Variants in KCNQ3 observed in about 807,000 individuals in gnomAD.
The protein encoded by KCNQ3 is potassium voltage-gated channel subfamily KQT member 3.
In KCNQ3, 30 loss-of-function variants were observed where a neutral mutation model predicts 92.5. The observed-to-expected ratio is 0.32, with a 90% confidence interval of 0.24 to 0.44. KCNQ3 has a LOEUF of 0.44. KCNQ3 is among the 20% of genes least tolerant of loss of function. KCNQ3 has a pLI of 1.00. For synonymous variants in KCNQ3, 450 were observed against 468.8 expected (o/e 0.96, Z 0.52); for missense variants, 913 against 1,140.3 (o/e 0.80, Z 2.87).
intron 1 of KCNQ3, among the ~76,000 whole-genome samples, chr8:132,307,861 T>C (rs931092382): frequency 6.6e-6 from 1 of 152,214 alleles, no homozygotes; most frequent in African/African-American, 2.4e-5. Flanking sequence ...AGAAAGGTTA[T>C]ATGAGTCGGG....
At chr8:132,358,096 G>T (rs1819065686) in intron 1 of KCNQ3, among the ~76,000 whole-genome samples, 1 of 152,202 alleles carries the variant, frequency 6.6e-6, no homozygotes, top group Admixed American at 6.5e-5. Flanking sequence ...GCTTCTTTAA[G>T]GTCAGGGATA....
chr8:132,134,212 C>G, intron 13 of KCNQ3, 78 bp downstream of exon 13: 1 of 1,048,866 alleles, frequency 9.5e-7, no homozygotes, highest in Admixed American at 1.7e-5. Context: ...CATAAAGGAC[C>G]CCAGCAGAGG....
intron 1 of KCNQ3, among the ~76,000 whole-genome samples, chr8:132,459,702 A>G (rs1822019405): frequency 6.6e-6 from 1 of 151,398 alleles, no homozygotes; most frequent in South Asian, 2.1e-4. Flanking sequence ...GTCGTGTTTT[A>G]CAGGTTCCTC....
chr8:132,417,380 G>A (rs55659230), intron 1 of KCNQ3, among the ~76,000 whole-genome samples: 30,669 of 152,018 alleles, frequency 0.2, 3,859 homozygotes, highest in Non-Finnish European at 0.27. Context: ...TCCTGACTCT[G>A]ACCCACCCAT....
At chr8:132,460,697 A>G (rs1174457961) in intron 1 of KCNQ3, among the ~76,000 whole-genome samples, 7 of 152,196 alleles carry the variant, frequency 4.6e-5, no homozygotes, top group Non-Finnish European at 7.3e-5. Context: ...TCTTGTCACC[A>G]TCTGCATCCC....
chr8:132,467,391 G>A (rs1422230611), intron 1 of KCNQ3, among the ~76,000 whole-genome samples: 1 of 152,146 alleles, frequency 6.6e-6, no homozygotes, highest in Non-Finnish European at 1.5e-5. Context: ...ACCACACAGT[G>A]GATACAAACA....
chr8:132,373,863 A>T (rs1467800574), intron 1 of KCNQ3, among the ~76,000 whole-genome samples: 1 of 152,088 alleles, frequency 6.6e-6, no homozygotes, highest in African/African-American at 2.4e-5. Flanking sequence ...TCACTCCTGC[A>T]CACTTTTTCC....
At chr8:132,163,549 TC>T in intron 8 of KCNQ3, 55 bp from the exon 9 acceptor site, 1 of 1,403,160 alleles carries the variant, frequency 7.1e-7, no homozygotes, top group Non-Finnish European at 1.0e-6. Context: ...AACAGCTGTA[TC>T]CTTCCTCGAA....
At chr8:132,184,503 GA>G in intron 2 of KCNQ3, 136 bp from the exon 3 acceptor site, 1 of 605,174 alleles carries the variant, frequency 1.7e-6, no homozygotes, top group Non-Finnish European at 2.9e-6. Flanking sequence ...GATGGCTGGG[GA>G]TGGGGGTGGG....
chr8:132,134,845 C>T (rs185762989), intron 12 of KCNQ3, among the ~76,000 whole-genome samples: 1 of 151,880 alleles, frequency 6.6e-6, no homozygotes, highest in East Asian at 1.9e-4. Context: ...AGTTAGGGAG[C>T]TTTACAGACA....
chr8:132,323,538 T>C (rs944654144), intron 1 of KCNQ3, among the ~76,000 whole-genome samples: 2 of 152,214 alleles, frequency 1.3e-5, no homozygotes, highest in African/African-American at 2.4e-5. Context: ...CCAAATTGTA[T>C]TGTTTTCCCC....
intron 1 of KCNQ3, among the ~76,000 whole-genome samples, chr8:132,325,635 A>T (rs1458459149): frequency 6.6e-6 from 1 of 152,252 alleles, no homozygotes; most frequent in Non-Finnish European, 1.5e-5. Flanking sequence ...GCCATCTACA[A>T]GGCAAGGACA....
intron 10 of KCNQ3, chr8:132,140,560 A>G: frequency 4.0e-6 from 1 of 252,616 alleles, no homozygotes; most frequent in South Asian, 6.4e-5. Context: ...GTCAGTCTCT[A>G]TCCTGGTGAC....
intron 1 of KCNQ3, among the ~76,000 whole-genome samples, chr8:132,456,800 G>A (rs936898161): frequency 1.3e-5 from 2 of 152,034 alleles, no homozygotes; most frequent in Admixed American, 6.6e-5. Flanking sequence ...TTTTAATAGA[G>A]ACGGGGTTTC....
intron 1 of KCNQ3, among the ~76,000 whole-genome samples, chr8:132,380,185 G>T (rs1336221400): frequency 1.3e-5 from 2 of 152,090 alleles, no homozygotes; most frequent in African/African-American, 4.8e-5. Context: ...GATGAGAATT[G>T]AAGGGTACAG....
At chr8:132,237,853 A>G (rs1814866842) in intron 1 of KCNQ3, among the ~76,000 whole-genome samples, 1 of 152,250 alleles carries the variant, frequency 6.6e-6, no homozygotes, top group Admixed American at 6.5e-5. Flanking sequence ...ATCCCATGGT[A>G]TTAGTGAGTT....
intron 1 of KCNQ3, among the ~76,000 whole-genome samples, chr8:132,475,238 T>C (rs1441816913): frequency 1.3e-5 from 2 of 152,154 alleles, no homozygotes; most frequent in African/African-American, 4.8e-5. Context: ...ATACAGGAAA[T>C]TGGTGCCTGG....
At chr8:132,454,512 G>A (rs929801914) in intron 1 of KCNQ3, among the ~76,000 whole-genome samples, 2 of 152,064 alleles carry the variant, frequency 1.3e-5, no homozygotes, top group Non-Finnish European at 2.9e-5. Flanking sequence ...CTATAAGGAA[G>A]GAAATCTGTA....
At chr8:132,242,512 C>T (rs10112959) in intron 1 of KCNQ3, among the ~76,000 whole-genome samples, 313 of 152,278 alleles carry the variant, frequency 2.1e-3, no homozygotes, top group African/African-American at 7.1e-3. Flanking sequence ...CTCTCTGATT[C>T]CAGAGCTTAA....
Sources: allele counts gnomAD v4.1 joint callset (sites outside exome capture counted in the v4.1 genomes callset), GRCh38; gene constraint gnomAD v4.1.1; transcripts MANE v1.5; gene names NCBI Gene and HGNC (gene_info 2026-07-23, HGNC 2026-07-21).